Variants in ULK4 observed in about 807,000 individuals in gnomAD.
ULK4 encodes unc-51 like kinase 4.
A neutral mutation model predicts 160.6 loss-of-function variants in ULK4; 133 were observed. That is an observed-to-expected ratio of 0.83 (90% CI 0.72 to 0.96). The LOEUF is 0.96. ULK4 is among the 40% of genes least tolerant of loss of function. The pLI is 0.00. For missense variants in ULK4, 1,580 were observed against 1,499.5 expected (o/e 1.05, Z -0.89); for synonymous variants, 534 against 539.8 (o/e 0.99, Z 0.15).
At chr3:41,464,613 C>G (rs2083781218) in intron 32 of ULK4, among the ~76,000 whole-genome samples, 1 of 152,192 alleles carries the variant, frequency 6.6e-6, no homozygotes, top group Non-Finnish European at 1.5e-5. Flanking sequence ...GGCTATGAAT[C>G]AGCACTTGGC....
intron 30 of ULK4, among the ~76,000 whole-genome samples, chr3:41,647,586 G>C (rs1360232463): frequency 1.3e-5 from 2 of 152,202 alleles, no homozygotes; most frequent in African/African-American, 4.8e-5. Flanking sequence ...GGCCGTGTGA[G>C]GTGTCAGTCT....
chr3:41,670,852 T>C (rs187768067), intron 29 of ULK4, among the ~76,000 whole-genome samples: 2 of 152,020 alleles, frequency 1.3e-5, no homozygotes, highest in Non-Finnish European at 2.9e-5. Context: ...TTATCCTGAT[T>C]GAGAGGGAGC....
At chr3:41,302,279 A>G (rs1250925938) in intron 35 of ULK4, among the ~76,000 whole-genome samples, 1 of 152,240 alleles carries the variant, frequency 6.6e-6, no homozygotes, top group Non-Finnish European at 1.5e-5. Flanking sequence ...TAACTTTTCT[A>G]TCAAAGATAA....
intron 32 of ULK4, among the ~76,000 whole-genome samples, chr3:41,552,575 A>C (rs563120609): frequency 6.6e-5 from 10 of 151,862 alleles, no homozygotes; most frequent in Non-Finnish European, 1.0e-4. Flanking sequence ...GGAAAACTTC[A>C]AAACATAAGA....
chr3:41,495,296 C>T (rs74686969), intron 32 of ULK4, among the ~76,000 whole-genome samples: 61,669 of 150,988 alleles, frequency 0.41, 12,739 homozygotes, highest in African/African-American at 0.43. Flanking sequence ...TGTATGATCT[C>T]TGACAAACCT....
At chr3:41,741,963 C>T (rs977046919) in intron 22 of ULK4, among the ~76,000 whole-genome samples, 1 of 151,778 alleles carries the variant, frequency 6.6e-6, no homozygotes, top group African/African-American at 2.4e-5. Context: ...AACTGTCCCC[C>T]CAAAAAAGTG....
At chr3:41,404,391 T>C (rs562023127) in intron 34 of ULK4, among the ~76,000 whole-genome samples, 1 of 152,298 alleles carries the variant, frequency 6.6e-6, no homozygotes, top group South Asian at 2.1e-4. Flanking sequence ...TTATCTGATA[T>C]TAATATAACC....
chr3:41,412,380 C>A, intron 34 of ULK4, among the ~76,000 whole-genome samples: 1 of 146,604 alleles, frequency 6.8e-6, no homozygotes. Flanking sequence ...AACACAATCT[C>A]AATACAAAAT....
intron 35 of ULK4, among the ~76,000 whole-genome samples, chr3:41,250,071 C>T (rs1426354380): frequency 6.6e-6 from 1 of 152,120 alleles, no homozygotes; most frequent in African/African-American, 2.4e-5. Context: ...AGGAAGTGTG[C>T]CCATGCTAAT....
chr3:41,452,408 G>A (rs1189141647), intron 34 of ULK4, among the ~76,000 whole-genome samples: 8 of 152,150 alleles, frequency 5.3e-5, no homozygotes. Flanking sequence ...GGAGATGGGA[G>A]TATCTACTCT....
intron 6 of ULK4, among the ~76,000 whole-genome samples, 186 bp from the exon 7 acceptor site, chr3:41,918,726 C>T (rs1280309871): frequency 6.6e-6 from 1 of 151,590 alleles, no homozygotes; most frequent in Non-Finnish European, 1.5e-5. Context: ...TTCAGCCTCC[C>T]CAGCAGCTGG....
intron 31 of ULK4, among the ~76,000 whole-genome samples, chr3:41,581,671 T>A (rs949746645): frequency 6.6e-6 from 1 of 152,198 alleles, no homozygotes; most frequent in African/African-American, 2.4e-5. Flanking sequence ...GTCCCAAACC[T>A]ACACCCAGAC....
chr3:41,701,585 T>C (rs1304585172), intron 27 of ULK4, among the ~76,000 whole-genome samples: 3 of 152,176 alleles, frequency 2.0e-5, no homozygotes, highest in East Asian at 3.8e-4. Context: ...AAGGATGTAC[T>C]TCAGTCAGAA....
chr3:41,317,143 T>C (rs1271529754), intron 35 of ULK4, among the ~76,000 whole-genome samples: 2 of 136,720 alleles, frequency 1.5e-5, no homozygotes, highest in Non-Finnish European at 3.1e-5. Flanking sequence ...TGGCGCAATC[T>C]CGGCTCACTG....
intron 27 of ULK4, among the ~76,000 whole-genome samples, chr3:41,704,628 T>C (rs1207283019): frequency 6.6e-6 from 1 of 152,124 alleles, no homozygotes; most frequent in Non-Finnish European, 1.5e-5. Flanking sequence ...TTGTCATAAC[T>C]GAAGGGAGAC....
chr3:41,373,118 G>A (rs374938925), intron 35 of ULK4, among the ~76,000 whole-genome samples: 1 of 152,146 alleles, frequency 6.6e-6, no homozygotes, highest in South Asian at 2.1e-4. Context: ...ACCCAATATA[G>A]GAGCACCCAG....
intron 19 of ULK4, among the ~76,000 whole-genome samples, chr3:41,817,062 G>T (rs1270329250): frequency 6.9e-6 from 1 of 145,528 alleles, no homozygotes; most frequent in African/African-American, 2.8e-5. Flanking sequence ...GTGATGTGGG[G>T]AAACTGTGTG....
At chr3:41,721,287 G>GTTTTTTTTTTTTTTTT (rs1559507507) in intron 22 of ULK4, among the ~76,000 whole-genome samples, 1 of 68,830 alleles carries the variant, frequency 1.5e-5, no homozygotes, top group African/African-American at 6.7e-5. Context: ...TTTTTTTTGG[G>GTTTTTTTTTTTTTTTT]TTTTGAACCA....
intron 35 of ULK4, among the ~76,000 whole-genome samples, chr3:41,367,417 G>C (rs924378226): frequency 6.6e-6 from 1 of 152,190 alleles, no homozygotes. Flanking sequence ...GGTAGAGGGC[G>C]ATGGCTCTGG....
Sources: gnomAD v4.1 joint callset for allele counts (sites outside exome capture counted in the v4.1 genomes callset) on GRCh38, gnomAD v4.1.1 for gene constraint, MANE v1.5 for transcripts, NCBI Gene and HGNC (gene_info 2026-07-23, HGNC 2026-07-21) for gene names.